SLC9A9: variants seen among roughly 807,000 people sequenced by gnomAD.
SLC9A9 encodes the protein sodium/hydrogen exchanger 9.
A neutral mutation model predicts 77.8 loss-of-function variants in SLC9A9; 62 were observed. That is an observed-to-expected ratio of 0.80 (90% confidence interval 0.65 to 0.98). The LOEUF is 0.98. Ranked by LOEUF, SLC9A9 falls within the 50% of genes least tolerant of loss-of-function variation. The pLI is 0.00. For missense variants in SLC9A9, 775 were observed against 774.9 expected, an observed-to-expected ratio of 1.00 and a Z score of 0.00; for synonymous variants, 320 against 283.5, an observed-to-expected ratio of 1.13 and a Z score of -1.29.
At chr3:143,703,542 A>C (rs960296554) in intron 4 of SLC9A9, among the ~76,000 whole-genome samples, 2 of 152,104 alleles carry the variant, frequency 1.3e-5, no homozygotes, top group Non-Finnish European at 1.5e-5. Flanking sequence ...AAAACATACC[A>C]AAATCTATGG....
rs138084341 is a variant in SLC9A9 at position 143,267,930 on chromosome 3, G to C, written c.1710+945C>G. Among the ~76,000 whole-genome samples, 885 of 152,338 alleles carry C rather than the reference G, an allele frequency of 5.8e-3. 8 individuals carry two copies. The highest frequency in any genetic ancestry group is 0.02 in the African/African-American group (840 of 41,576). ...TGGTTTCCAACTTTCGCCTGTCCCAGGATCACATGGAGGGCTTGTTAAAAT... is the reference window on the plus strand; with the variant it reads ...TGGTTTCCAACTTTCGCCTGTCCCACGATCACATGGAGGGCTTGTTAAAAT... On this transcript the variant is annotated intron_variant, in intron 15 of 15. Transcript: ENST00000316549.
At chr3:143,430,684 G>A (rs1334879664) in intron 12 of SLC9A9, among the ~76,000 whole-genome samples, 1 of 152,194 alleles carries the variant, frequency 6.6e-6, no homozygotes, top group Non-Finnish European at 1.5e-5. Flanking sequence ...ACTCACATTG[G>A]ATAGATTTAA....
In SLC9A9 at chr3:143,817,394, C is replaced by T. The variant is rs113536120; in HGVS notation, c.378+14625G>A. ...CGATCTCCTGACCTCATGATCCACCCGCCTCGGCCTCCCAAAGTGCTGGGA... is the reference window on the plus strand; with the variant it reads ...CGATCTCCTGACCTCATGATCCACCTGCCTCGGCCTCCCAAAGTGCTGGGA... On this transcript the variant is annotated intron_variant, in intron 2 of 15. Coordinates refer to ENST00000316549, the MANE Select transcript of SLC9A9 (RefSeq NM_173653.4). 9.6e-3 allele frequency among the ~76,000 whole-genome samples: 1,458 copies of T among 151,162 alleles called. 22 individuals are homozygous for T. The highest frequency in any genetic ancestry group is 0.034 in the African/African-American group (1,388 of 41,226).
At chr3:143,299,509 T>G (rs961554427) in intron 14 of SLC9A9, among the ~76,000 whole-genome samples, 2 of 152,170 alleles carry the variant, frequency 1.3e-5, no homozygotes, top group South Asian at 4.1e-4. Flanking sequence ...AGTGGTGTTT[T>G]CTTGGCTCAC....
At chr3:143,555,780 C>A (rs1454933710) in intron 8 of SLC9A9, among the ~76,000 whole-genome samples, 3 of 152,190 alleles carry the variant, frequency 2.0e-5, no homozygotes, top group Non-Finnish European at 4.4e-5. Flanking sequence ...CATTTCCTTG[C>A]CTCCAGTAGA....
At chr3:143,712,592 T>C (rs1054403976) in intron 4 of SLC9A9, among the ~76,000 whole-genome samples, 4 of 148,546 alleles carry the variant, frequency 2.7e-5, no homozygotes, top group Non-Finnish European at 4.4e-5. Flanking sequence ...CCATTTTTTG[T>C]CCATAAAATG....
At chr3:143,343,189 A>G (rs1399992916) in intron 14 of SLC9A9, among the ~76,000 whole-genome samples, 1 of 152,158 alleles carries the variant, frequency 6.6e-6, no homozygotes, top group East Asian at 1.9e-4. Context: ...TATCCTATAG[A>G]CTTAATACCA....
chr3:143,609,210 A>AT (rs979593881), intron 6 of SLC9A9, among the ~76,000 whole-genome samples: 1 of 152,192 alleles, frequency 6.6e-6, no homozygotes, highest in Non-Finnish European at 1.5e-5. Context: ...GGGTAAGCAA[A>AT]TAACAGTTCT....
chr3:143,265,680 C>T lies in SLC9A9; in HGVS notation c.*1022G>A, dbSNP rs3796229. The T allele has an allele frequency of 0.082, 33,156 of 405,908 alleles. 3,140 individuals are homozygous for T. The highest frequency in any genetic ancestry group is 0.32 in the African/African-American group (15,740 of 48,774). 25.1% of individuals were successfully genotyped at this position (405,908 alleles called of 1,614,324 possible). On this transcript the variant is annotated 3_prime_UTR_variant, in exon 16 of 16. Transcript: ENST00000316549. The stretch of plus-strand genomic sequence containing the variant: ...TGGTCTCTGGAATGCAGGCCATGAG[C>T]CACGCCTTGTAAGGGGGAGACCTGA...
At chr3:143,823,451 T>A (rs9858623) in intron 2 of SLC9A9, among the ~76,000 whole-genome samples, 84,770 of 151,920 alleles carry the variant, frequency 0.56, 26,402 homozygotes, top group Non-Finnish European at 0.69. Flanking sequence ...CATCCTCATG[T>A]CAGGCCAACA....
chr3:143,828,089 A>T lies in SLC9A9; in HGVS notation c.378+3930T>A, dbSNP rs550811160. Among the ~76,000 whole-genome samples, 4 of 152,330 alleles carry T rather than the reference A, an allele frequency of 2.6e-5. No homozygotes were observed. In the South Asian group the frequency reaches 8.3e-4, roughly 32 times the overall value. ...CTCAGGTCTCAGAATTAAGTGCTATAGTCCAAGTTCTATCTCTTCTCTAAC... is the reference window on the plus strand; with the variant it reads ...CTCAGGTCTCAGAATTAAGTGCTATTGTCCAAGTTCTATCTCTTCTCTAAC... On this transcript the variant is annotated intron_variant, in intron 2 of 15. Transcript: ENST00000316549.
At chr3:143,834,680 T>C (rs1045999414) in intron 1 of SLC9A9, among the ~76,000 whole-genome samples, 2 of 148,416 alleles carry the variant, frequency 1.3e-5, no homozygotes, top group Non-Finnish European at 3.0e-5. Flanking sequence ...TTTGTCATAA[T>C]AGTGATGGCC....
At chr3:143,593,821 A>G (rs1020064776) in intron 6 of SLC9A9, among the ~76,000 whole-genome samples, 2 of 152,226 alleles carry the variant, frequency 1.3e-5, no homozygotes, top group African/African-American at 4.8e-5. Context: ...ACTTCATGTG[A>G]AATGTGATGG....
At chr3:143,577,209 A>C (rs1200905967) in intron 7 of SLC9A9, among the ~76,000 whole-genome samples, 1 of 152,032 alleles carries the variant, frequency 6.6e-6, no homozygotes. Flanking sequence ...TTGAAATACC[A>C]CTTCAAGATA....
intron 6 of SLC9A9, among the ~76,000 whole-genome samples, chr3:143,606,432 C>G (rs557556642): frequency 3.4e-5 from 2 of 58,700 alleles, no homozygotes; most frequent in Non-Finnish European, 3.2e-5. Flanking sequence ...CTCTCTCTCT[C>G]TCTCTATATA....
intron 2 of SLC9A9, among the ~76,000 whole-genome samples, chr3:143,831,173 A>G (rs959912964): frequency 2.6e-5 from 4 of 152,180 alleles, no homozygotes; most frequent in African/African-American, 9.7e-5. Context: ...AAGTGAAACA[A>G]TGGACTTCCA....
At chr3:143,692,124 A>G (rs1933489396) in intron 5 of SLC9A9, among the ~76,000 whole-genome samples, 1 of 152,138 alleles carries the variant, frequency 6.6e-6, no homozygotes. Context: ...TATTTTAAGG[A>G]GCTATATTCG....
In SLC9A9 at chr3:143,700,008, A is replaced by G. The variant is rs571494744; in HGVS notation, c.534-6701T>C. ...TGGATATCAGCACAGCCACAGTAGG[A>G]TAGGGCACCAGTCAGAGTTGTGAGG... On this transcript the variant is annotated intron_variant, in intron 4 of 15. Coordinates refer to ENST00000316549, the MANE Select transcript of SLC9A9 (RefSeq NM_173653.4). 2.0e-5 allele frequency among the ~76,000 whole-genome samples: 3 copies of G among 152,042 alleles called. No homozygotes were observed. In the East Asian group the frequency reaches 5.8e-4, roughly 30 times the overall value.
In SLC9A9 at chr3:143,796,834, G is replaced by T; in HGVS notation, c.448C>A (p.Leu150Ile). The change falls in exon 3 of 16, where the codon CTA (leucine) becomes ATA (isoleucine). Residue 150 changes from leucine (L) to isoleucine (I), a missense_variant. By Grantham distance (5) the Leu-to-Ile change is conservative. Transcript: ENST00000316549. ...GATCACTATATATTTACCTTCTTTA[G>T]ACTATATCCTGCATGAAATATAATT... Reference protein sequence around the residue: ...PPIIFHAGYSLKKRHFFQNLG... With the variant: ...PPIIFHAGYSIKKRHFFQNLG... 6.2e-7 allele frequency: 1 copy of T among 1,605,084 alleles called. No homozygotes were observed. The highest frequency in any genetic ancestry group is 8.5e-7 in the Non-Finnish European group (1 of 1,172,934).
Sources: gnomAD v4.1 joint callset for allele counts (sites outside exome capture counted in the v4.1 genomes callset) on GRCh38, gnomAD v4.1.1 for gene constraint, MANE v1.5 for transcripts, NCBI Gene and HGNC (gene_info 2026-07-23, HGNC 2026-07-21) for gene names.